SGO2: variants seen among roughly 807,000 people sequenced by gnomAD.
SGO2 encodes the protein shugoshin 2.
Under a neutral mutation model 99.5 loss-of-function variants are expected in SGO2, and 68 were observed. The observed-to-expected ratio is 0.68, with a 90% CI of 0.56 to 0.84. The LOEUF (loss-of-function observed/expected upper bound fraction) is 0.84. Among genes scored for constraint, SGO2 ranks in the 40% least tolerant of loss-of-function variants. The pLI is 0.00. For synonymous variants in SGO2, 457 were observed against 487.1 expected (o/e 0.94, Z 0.81); for missense variants, 1,350 against 1,436.7 (o/e 0.94, Z 0.97).
intron 1 of SGO2, 41 bp from the exon 2 acceptor site, chr2:200,532,933 T>C (rs368056100): frequency 3.7e-4 from 578 of 1,572,410 alleles, no homozygotes; most frequent in Non-Finnish European, 4.0e-4. Flanking sequence ...TACTTTTTCT[T>C]TTATTAATCA....
chr2:200,543,759 G>A (rs1445908393), intron 5 of SGO2: 1 of 152,104 alleles, frequency 6.6e-6, no homozygotes, highest in East Asian at 1.9e-4. Flanking sequence ...ATCCTTAGTA[G>A]TTTTTCAAAA....
chr2:200,559,054 C>T (rs1045360528), intron 5 of SGO2, among the ~76,000 whole-genome samples: 6 of 152,130 alleles, frequency 3.9e-5, no homozygotes, highest in African/African-American at 1.2e-4. Flanking sequence ...CCACCTGCCT[C>T]GGCCTCCCAG....
chr2:200,555,020 C>G lies in SGO2; in HGVS notation c.473+12356C>G, dbSNP rs369394329. 1.5e-3 allele frequency among the ~76,000 whole-genome samples: 232 copies of G among 152,136 alleles called. 1 individual carries two copies. Among genetic ancestry groups the G allele is most frequent in the African/African-American group, 5.3e-3 (218 of 41,514 alleles). On this transcript the variant is annotated intron_variant, in intron 5 of 8. Transcript: ENST00000357799. ...CCTTTAATATGTTCTCACACACAACCTTTTTACAAGATTAATTTTTCACAA... is the reference window on the plus strand; with the variant it reads ...CCTTTAATATGTTCTCACACACAACGTTTTTACAAGATTAATTTTTCACAA...
intron 8 of SGO2, among the ~76,000 whole-genome samples, chr2:200,580,695 A>G (rs1393957929): frequency 1.3e-5 from 2 of 152,100 alleles, no homozygotes; most frequent in African/African-American, 4.8e-5. Context: ...AGCCAGGCAC[A>G]TTGGCATGTG....
In SGO2 at chr2:200,558,112, CTTCGCCT is replaced by C. The variant is rs2032793618; in HGVS notation, c.474-11549_474-11543del. 3.3e-5 allele frequency among the ~76,000 whole-genome samples: 5 copies of C among 152,244 alleles called. No individual in the cohort carries two copies. The South Asian group carries it at 1.0e-3, about 32-fold the overall frequency. Reference sequence around the variant, plus strand: ...CTCTTGAACCTCGTGATCTGTCCACCTTCGCCTTCCAAAATGCTGGGATTACAGGTGT... The same window carrying C: ...CTCTTGAACCTCGTGATCTGTCCACCTCCAAAATGCTGGGATTACAGGTGT... On this transcript the variant is annotated intron_variant, in intron 5 of 8. Coordinates refer to ENST00000357799, the MANE Select transcript of SGO2 (RefSeq NM_152524.6).
chr2:200,572,254 TGTG>T lies in SGO2; in HGVS notation c.1912_1914del (p.Val638del), dbSNP rs749675499. ...ACATGTATGAGGATAATGATAAAGA[TGTG>T]GTGCATGGCCTAAAAAAAGGTAATT... is the stretch of plus-strand genomic sequence containing the variant. On this transcript the variant is annotated inframe_deletion, in exon 7 of 9. Coordinates refer to ENST00000357799, the MANE Select transcript of SGO2 (RefSeq NM_152524.6). The T allele has an allele frequency of 7.4e-6, 12 of 1,612,174 alleles. No individual in the cohort carries two copies. Among genetic ancestry groups the T allele is most frequent in the African/African-American group, 1.3e-5 (1 of 74,754 alleles).
intron 4 of SGO2, among the ~76,000 whole-genome samples, chr2:200,539,495 A>T (rs1315219910): frequency 2.0e-5 from 3 of 151,832 alleles, no homozygotes; most frequent in Non-Finnish European, 2.9e-5. Flanking sequence ...TTGATGTTTC[A>T]AACATTTTTT....
intron 4 of SGO2, 127 bp downstream of exon 4, chr2:200,536,269 A>G: frequency 2.0e-6 from 1 of 501,634 alleles, no homozygotes; most frequent in Non-Finnish European, 3.6e-6. Flanking sequence ...TGATAATATC[A>G]GTTTTAACTG....
In SGO2 at chr2:200,570,510, G is replaced by GTGTGTGT. The variant is rs397987331; in HGVS notation, c.704-540_704-539insTGTGTGT. On this transcript the variant is annotated intron_variant, in intron 6 of 8. Transcript: ENST00000357799. The surrounding 1 kb of genome is among the most constrained non-coding windows in gnomAD (Gnocchi z 4.4). ...TGTGTGTGTGTGTGTGTGTGTGTGT[G>GTGTGTGT]GGCATATGTATATGTATATAATATA... Among the ~76,000 whole-genome samples, 12 of 148,368 alleles carry GTGTGTGT rather than the reference G, an allele frequency of 8.1e-5. No individual in the cohort carries two copies. The highest frequency in any genetic ancestry group is 6.4e-4 in the South Asian group (3 of 4,678).
At chr2:200,558,898 G>T (rs2106330583) in intron 5 of SGO2, among the ~76,000 whole-genome samples, 1 of 152,010 alleles carries the variant, frequency 6.6e-6, no homozygotes, top group East Asian at 1.9e-4. Context: ...TGCCTTCCGG[G>T]TTCAAGTGGT....
rs1273234067 is a variant in SGO2 at position 200,526,741 on chromosome 2, G to A, written c.-3+489G>A. Among the ~76,000 whole-genome samples, 1 of 152,118 alleles carries A rather than the reference G, an allele frequency of 6.6e-6. No homozygotes were observed. Among genetic ancestry groups the A allele is most frequent in the African/African-American group, 2.4e-5 (1 of 41,416 alleles). On this transcript the variant is annotated intron_variant, in intron 1 of 8. Coordinates refer to ENST00000357799, the MANE Select transcript of SGO2 (RefSeq NM_152524.6). This position sits in a 1 kb window ranked among gnomAD's most constrained non-coding sequence, Gnocchi z 4.8. Reference sequence around the variant, plus strand: ...AGAACTTGAGCTGCTTGATGTACAGGTAGGATTTCAGTAGAGAATAGGGAC... The same window carrying A: ...AGAACTTGAGCTGCTTGATGTACAGATAGGATTTCAGTAGAGAATAGGGAC...
Position 200,559,047 on chromosome 2 carries a change from C to T in SGO2, c.474-10616C>T, listed in dbSNP as rs1388011899. ...CGAACTCCTGACCTCAGGTGATCCA[C>T]CTGCCTCGGCCTCCCAGTGTGCTGG... On this transcript the variant is annotated intron_variant, in intron 5 of 8. Coordinates refer to ENST00000357799, the MANE Select transcript of SGO2 (RefSeq NM_152524.6). Among the ~76,000 whole-genome samples, 4 of 152,308 alleles carry T rather than the reference C, an allele frequency of 2.6e-5. No homozygotes were observed. The East Asian group carries it at 7.7e-4, about 29-fold the overall frequency.
At position 200,573,886 on chromosome 2, in the gene SGO2, C is replaced by T; in HGVS notation, c.3540C>T (p.Cys1180=). ...VIIKENFALE[C]SPAFQVSDDE... The stretch of plus-strand genomic sequence containing the variant: ...TAAAAGAAAATTTTGCCTTGGAGTG[C>T]TCCCCAGCCTTTCAAGTAAGTGATG... Residue 1180 remains cysteine (C), a synonymous_variant, in exon 7 of 9, where the codon TGC becomes TGT. Transcript: ENST00000357799. 1.9e-6 allele frequency: 3 copies of T among 1,612,716 alleles called. No individual in the cohort carries two copies. Among genetic ancestry groups the T allele is most frequent in the Non-Finnish European group, 2.5e-6 (3 of 1,179,382 alleles).
In SGO2 at chr2:200,571,234, T is replaced by G. The variant is rs375627843; in HGVS notation, c.888T>G (p.Asp296Glu). 6.2e-7 allele frequency: 1 copy of G among 1,613,408 alleles called. No individual in the cohort carries two copies. Among genetic ancestry groups the G allele is most frequent in the Non-Finnish European group, 8.5e-7 (1 of 1,179,674 alleles). The change falls in exon 7 of 9, where the codon GAT becomes GAG. Residue 296 changes from aspartate (D) to glutamate (E), a missense_variant. Asp to Glu is a conservative substitution (Grantham distance 45). Coordinates refer to ENST00000357799, the MANE Select transcript of SGO2 (RefSeq NM_152524.6). ...SADTPCATVLDKQHISSPELN... is the reference protein window; with the variant it reads ...SADTPCATVLEKQHISSPELN... ...ACACTCCCTGTGCAACAGTTTTAGA[T>G]AAACAACACATTTCAAGTCCAGAAT... is the stretch of plus-strand genomic sequence containing the variant.
rs144312952 is a variant in SGO2, at chr2:200,548,761, A to G, written c.473+6097A>G. On this transcript the variant is annotated intron_variant, in intron 5 of 8. Transcript: ENST00000357799. ...TAAAATCAAACAAGAGATGAGACAT[A>G]ACACCTCAGACCTCAGAAATATAAA... Among the ~76,000 whole-genome samples, 28 of 152,266 alleles carry G rather than the reference A, an allele frequency of 1.8e-4. No individual in the cohort carries two copies. In the East Asian group the frequency reaches 5.4e-3, roughly 29 times the overall value.
At chr2:200,533,798 C>T (rs748278633) in intron 2 of SGO2, among the ~76,000 whole-genome samples, 2 of 152,064 alleles carry the variant, frequency 1.3e-5, no homozygotes, top group African/African-American at 2.4e-5. Context: ...TCACGTGTGC[C>T]TTCTAAAACA....
intron 5 of SGO2, chr2:200,543,714 G>A: frequency 6.6e-6 from 1 of 152,070 alleles, no homozygotes; most frequent in East Asian, 1.9e-4. Flanking sequence ...TTTAATTGTT[G>A]TAATTTTAAA....
chr2:200,583,244 A>G (rs2033897653), intron 8 of SGO2, among the ~76,000 whole-genome samples: 1 of 152,206 alleles, frequency 6.6e-6, no homozygotes, highest in South Asian at 2.1e-4. Flanking sequence ...TTTCTTAAAT[A>G]TTTGAAATGA....
chr2:200,555,100 C>A (rs1395624215), intron 5 of SGO2, among the ~76,000 whole-genome samples: 1 of 152,170 alleles, frequency 6.6e-6, no homozygotes, highest in Non-Finnish European at 1.5e-5. Flanking sequence ...TAAAACAATT[C>A]TTCAACCCTC....
Sources: allele counts gnomAD v4.1 joint callset (sites outside exome capture counted in the v4.1 genomes callset), GRCh38; gene constraint gnomAD v4.1.1; non-coding constraint Gnocchi (gnomAD v3.1); transcripts MANE v1.5; gene names NCBI Gene and HGNC (gene_info 2026-07-23, HGNC 2026-07-21).